The following CSE1L variants were observed in gnomAD, a reference collection of about 807,000 sequenced individuals.
CSE1L encodes the protein exportin-2.
A neutral mutation model predicts 120.4 loss-of-function variants in CSE1L; 24 were observed. The observed-to-expected ratio is 0.20, with a 90% CI of 0.14 to 0.28. The LOEUF (loss-of-function observed/expected upper bound fraction) is 0.28, where lower values mean the gene tolerates loss of function less well. CSE1L is among the 10% of genes least tolerant of loss of function. The probability of loss-of-function intolerance (pLI) is 1.00; values close to 1 mark genes in which losing one functional copy is unlikely to be tolerated. For missense variants in CSE1L, 830 were observed against 1,145.2 expected, an observed-to-expected ratio of 0.72 and a Z score of 3.97; for synonymous variants, 402 against 398.3, an observed-to-expected ratio of 1.01 and a Z score of -0.11.
Position 49,088,058 on chromosome 20 carries a change from C to G in CSE1L, c.1773C>G (p.Ile591Met), listed in dbSNP as rs143358483. 1.2e-6 allele frequency: 2 copies of G among 1,610,878 alleles called. No homozygotes were observed. Among genetic ancestry groups the G allele is most frequent in the Non-Finnish European group, 1.7e-6 (2 of 1,178,378 alleles). ...TACAAGAAGCCATAATCCCCTACAT[C>G]CCTACTCTCATCACTCAGCTTACAC... is the stretch of plus-strand genomic sequence containing the variant. ...SLLQEAIIPY[I>M]PTLITQLTQK... The change falls in exon 17 of 25, where the codon ATC becomes ATG. Residue 591 changes from isoleucine to methionine, a missense_variant. Transcript: ENST00000262982.
chr20:49,070,440 A>G (rs1205155914), intron 8 of CSE1L, 143 bp downstream of exon 8: 1 of 544,452 alleles, frequency 1.8e-6, no homozygotes, highest in Non-Finnish European at 3.2e-6. Context: ...TTGATGTTAC[A>G]TGTTTGGTGT....
intron 16 of CSE1L, among the ~76,000 whole-genome samples, chr20:49,086,531 A>C (rs1272703432): frequency 1.3e-5 from 2 of 150,970 alleles, no homozygotes; most frequent in African/African-American, 4.9e-5. Flanking sequence ...ATGCCCAGCT[A>C]ATTTTGTATT....
chr20:49,058,385 G>A (rs1205753346), intron 1 of CSE1L, 68 bp from the exon 2 acceptor site: 1 of 1,160,942 alleles, frequency 8.6e-7, no homozygotes, highest in Non-Finnish European at 1.3e-6. Flanking sequence ...AATATAAACG[G>A]ATTTCTTTAA....
intron 1 of CSE1L, among the ~76,000 whole-genome samples, chr20:49,047,021 T>C (rs1399380261): frequency 1.3e-5 from 2 of 152,256 alleles, no homozygotes; most frequent in African/African-American, 4.8e-5. Context: ...CTGAATTGTT[T>C]GTGAGAATTC....
In CSE1L at chr20:49,096,344, T is replaced by C. The variant is rs200416466; in HGVS notation, c.2827-5T>C. On this transcript the variant is annotated splice_region_variant and splice_polypyrimidine_tract_variant and intron_variant, in intron 24 of 24. Coordinates refer to ENST00000262982, the MANE Select transcript of CSE1L (RefSeq NM_001316.4). ...CAGCCAGTGTGTGTTTCCCATCTCT[T>C]GTAGGTTCCATCAATGGTGAGCACC... 71 of 1,612,270 alleles carry C rather than the reference T, an allele frequency of 4.4e-5. No individual in the cohort carries two copies. In the Middle Eastern group the frequency reaches 1.3e-3, roughly 30 times the overall value.
chr20:49,050,525 C>T (rs2091758735), intron 1 of CSE1L, among the ~76,000 whole-genome samples: 1 of 150,850 alleles, frequency 6.6e-6, no homozygotes, highest in South Asian at 2.1e-4. Flanking sequence ...GTCTCAGCCT[C>T]CTGAGTAGCT....
rs1475098930 is a variant in CSE1L, at chr20:49,062,024, C to G, written c.86-1178C>G. ...TGTGATAAGTTGAAAGAAATGAACA[C>G]AGAAAGGAACAGACTCAAACTCACT... On this transcript the variant is annotated intron_variant, in intron 2 of 24. Transcript: ENST00000262982. 1.3e-5 allele frequency among the ~76,000 whole-genome samples: 2 copies of G among 152,090 alleles called. 1 individual carries two copies. The highest frequency in any genetic ancestry group is 1.3e-4 in the Admixed American group (2 of 15,262).
At chr20:49,067,928 C>CT (rs10567768) in intron 6 of CSE1L, among the ~76,000 whole-genome samples, 19,840 of 78,410 alleles carry the variant, frequency 0.25, 2,576 homozygotes, top group Non-Finnish European at 0.31. Flanking sequence ...TTCCCTCTCT[C>CT]TTTTTTTTTT....
At chr20:49,058,860 G>A (rs1261284917) in intron 2 of CSE1L, among the ~76,000 whole-genome samples, 5 of 152,064 alleles carry the variant, frequency 3.3e-5, no homozygotes, top group South Asian at 2.1e-4. Flanking sequence ...GGCCGGATGC[G>A]GTGGCTCACA....
chr20:49,068,693 T>C (rs766219292), intron 6 of CSE1L, 22 bp from the exon 7 acceptor site: 2 of 1,530,190 alleles, frequency 1.3e-6, no homozygotes, highest in Admixed American at 1.7e-5. Flanking sequence ...ACTAAAACCA[T>C]GTTGCTAAAT....
chr20:49,091,727 A>G, intron 21 of CSE1L, among the ~76,000 whole-genome samples: 1 of 152,242 alleles, frequency 6.6e-6, no homozygotes. Context: ...TCACAAGAAA[A>G]AAGAAAATAT....
At chr20:49,051,489 GCTGAGATCACGCCA>G (rs2091766020) in intron 1 of CSE1L, among the ~76,000 whole-genome samples, 1 of 152,228 alleles carries the variant, frequency 6.6e-6, no homozygotes, top group African/African-American at 2.4e-5. Context: ...ACTGCGGTGA[GCTGAGATCACGCCA>G]CTGCACTCCA....
intron 8 of CSE1L, 53 bp from the exon 9 acceptor site, chr20:49,072,233 C>T (rs961393529): frequency 1.3e-6 from 2 of 1,577,218 alleles, no homozygotes; most frequent in African/African-American, 2.7e-5. Context: ...ACTCCTCTTA[C>T]TTATGTTAGC....
chr20:49,084,280 C>G, intron 15 of CSE1L, 118 bp downstream of exon 15: 1 of 1,029,706 alleles, frequency 9.7e-7, no homozygotes, highest in Non-Finnish European at 1.4e-6. Flanking sequence ...GCTTTCTATT[C>G]CTTTATACTC....
At position 49,088,062 on chromosome 20, in the gene CSE1L, A is replaced by G. The variant is rs778709310; in HGVS notation, c.1777A>G (p.Thr593Ala). 6.2e-7 allele frequency: 1 copy of G among 1,612,664 alleles called. No homozygotes were observed. The highest frequency in any genetic ancestry group is 8.5e-7 in the Non-Finnish European group (1 of 1,179,402). ...AGAAGCCATAATCCCCTACATCCCTACTCTCATCACTCAGCTTACACAGAA... is the reference window on the plus strand; with the variant it reads ...AGAAGCCATAATCCCCTACATCCCTGCTCTCATCACTCAGCTTACACAGAA... ...LQEAIIPYIP[T>A]LITQLTQKLL... The change falls in exon 17 of 25, where the codon ACT (threonine) becomes GCT (alanine). Residue 593 changes from threonine (T) to alanine (A), a missense_variant. Around this residue, in one of 4 missense-constraint regions of CSE1L, gnomAD observed 168 missense variants for 267.9 expected, o/e 0.63. Transcript: ENST00000262982.
intron 10 of CSE1L, among the ~76,000 whole-genome samples, chr20:49,072,946 C>T (rs999526409): frequency 1.3e-5 from 2 of 152,108 alleles, no homozygotes; most frequent in African/African-American, 4.8e-5. Flanking sequence ...TCTGGAATTT[C>T]TATTTAGAGA....
At chr20:49,049,187 C>T (rs372277928) in intron 1 of CSE1L, among the ~76,000 whole-genome samples, 2 of 151,964 alleles carry the variant, frequency 1.3e-5, no homozygotes, top group Admixed American at 1.3e-4. Flanking sequence ...GTATCACCCC[C>T]TCATTTAAAG....
chr20:49,067,031 CAAAAAAAAAAA>C (rs60161542), intron 5 of CSE1L, among the ~76,000 whole-genome samples, 148 bp from the exon 6 acceptor site: 36,851 of 101,914 alleles, frequency 0.36, 5,544 homozygotes, highest in East Asian at 0.56. Flanking sequence ...GACTCCGTCT[CAAAAAAAAAAA>C]AAAAAAAAAA....
At chr20:49,064,053 A>G (rs1324020532) in intron 3 of CSE1L, among the ~76,000 whole-genome samples, 1 of 152,204 alleles carries the variant, frequency 6.6e-6, no homozygotes. Flanking sequence ...ATTTGGCAGT[A>G]TATTTGGAGA....
Sources: allele counts gnomAD v4.1 joint callset (sites outside exome capture counted in the v4.1 genomes callset), GRCh38; gene constraint gnomAD v4.1.1; regional missense constraint gnomAD v4.1.1; transcripts MANE v1.5; gene names NCBI Gene and HGNC (gene_info 2026-07-23, HGNC 2026-07-21).